The following SLC35A2 variants were observed in gnomAD, a reference collection of about 807,000 sequenced individuals.
SLC35A2 encodes the protein solute carrier family 35 member A2.
A neutral mutation model predicts 17.3 loss-of-function variants in SLC35A2; 1 was observed. The observed-to-expected ratio is 0.06, with a 90% CI of 0.02 to 0.27. SLC35A2 has a LOEUF of 0.27. Among genes scored for constraint, SLC35A2 ranks in the 10% least tolerant of loss-of-function variants. The probability of loss-of-function intolerance (pLI) is 1.00; values close to 1 mark genes in which losing one functional copy is unlikely to be tolerated. For missense variants in SLC35A2, 191 were observed against 339.3 expected (o/e 0.56, Z 3.43); for synonymous variants, 161 against 161.3 (o/e 1.00, Z 0.01).
At chrX:48,911,836 C>T, upstream of SLC35A2, 2 of 1,167,485 alleles carry the variant, frequency 1.7e-6, no homozygotes, top group Admixed American at 2.6e-5. Context: ...AGGCCGGGGA[C>T]ACGGCCCGAT....
At chrX:48,908,754 CA>C (rs1288683004) in intron 2 of SLC35A2, among the ~76,000 whole-genome samples, 1 of 112,280 alleles carries the variant, frequency 8.9e-6, no homozygotes, top group East Asian at 2.8e-4. Flanking sequence ...ACAGAGTTAA[CA>C]AAGGTAAGAG....
intron 1 of SLC35A2, chrX:48,910,373 G>C: frequency 2.4e-6 from 2 of 838,491 alleles, no homozygotes; most frequent in Non-Finnish European, 3.3e-6. Flanking sequence ...AGTGTTTACT[G>C]TATGCCTATC....
chrX:48,905,138 G>A lies in SLC35A2; in HGVS notation c.771C>T (p.Ala257=), dbSNP rs782663029. 22 of 1,208,448 alleles carry A rather than the reference G, an allele frequency of 1.8e-5. No individual in the cohort carries two copies. The African/African-American group carries it at 3.1e-4, about 17-fold the overall frequency. Residue 257 remains alanine (A), a synonymous_variant, in exon 4 of 5, where the codon GCC becomes GCT. Coordinates refer to ENST00000247138, the MANE Select transcript of SLC35A2 (RefSeq NM_005660.3). ...CAAAAAAGAAACCACGGGTGGCCAC[G>A]GCGGTACCCTCAGCCCACCAGAGCC... ...LVGLWWAEGT[A]VATRGFFFGY...
At chrX:48,907,297 T>G (rs1569511321) in intron 2 of SLC35A2, among the ~76,000 whole-genome samples, 1 of 107,201 alleles carries the variant, frequency 9.3e-6, no homozygotes, top group Non-Finnish European at 1.9e-5. Flanking sequence ...TTTTTTTTTT[T>G]GGCACAGTGG....
intron 4 of SLC35A2, chrX:48,903,878 G>A (rs2063463999): frequency 5.1e-6 from 4 of 788,505 alleles, no homozygotes; most frequent in East Asian, 1.2e-4. Flanking sequence ...TGAGGTAGGG[G>A]TGCCTCACAC....
intron 4 of SLC35A2, chrX:48,903,689 A>G: frequency 1.0e-6 from 1 of 996,575 alleles, no homozygotes; most frequent in Non-Finnish European, 1.3e-6. Flanking sequence ...AAACAAACCA[A>G]AAAATCAGAA....
chrX:48,906,959 G>A (rs1402980314), intron 2 of SLC35A2, among the ~76,000 whole-genome samples: 1 of 111,367 alleles, frequency 9.0e-6, no homozygotes, highest in Non-Finnish European at 1.9e-5. Context: ...CATGAGGTTA[G>A]GAGTTCAAGA....
Position 48,904,700 on chromosome X carries a change from C to T in SLC35A2, c.1163+46G>A, listed in dbSNP as rs374880112. ...ACACCCTCCACCCCAGTCCCCCTCCCTTGTGTCCCCCCATTGCTGCCAGCC... is the reference window on the plus strand; with the variant it reads ...ACACCCTCCACCCCAGTCCCCCTCCTTTGTGTCCCCCCATTGCTGCCAGCC... On this transcript the variant is annotated intron_variant, in intron 4 of 4. Coordinates refer to ENST00000247138, the MANE Select transcript of SLC35A2 (RefSeq NM_005660.3). 47 of 1,209,542 alleles carry T rather than the reference C, an allele frequency of 3.9e-5. No individual in the cohort carries two copies. Among genetic ancestry groups the T allele is most frequent in the Non-Finnish European group, 1.0e-5 (9 of 894,770 alleles).
chrX:48,906,130 T>A, intron 3 of SLC35A2: 1 of 430,339 alleles, frequency 2.3e-6, no homozygotes. Context: ...TGCCCACAAA[T>A]AGCCTAAAGC....
At chrX:48,909,059 C>T (rs1400057069) in intron 2 of SLC35A2, among the ~76,000 whole-genome samples, 1 of 112,327 alleles carries the variant, frequency 8.9e-6, no homozygotes, top group Non-Finnish European at 1.9e-5. Flanking sequence ...GTCTACAAAA[C>T]AAATGACCTG....
At chrX:48,904,405 G>A in intron 4 of SLC35A2, 2 of 1,086,187 alleles carry the variant, frequency 1.8e-6, no homozygotes, top group Non-Finnish European at 2.4e-6. Context: ...CCAGAAGAGG[G>A]CACAGGGTCG....
chrX:48,905,650 G>A (rs2063485482), intron 3 of SLC35A2, among the ~76,000 whole-genome samples, 168 bp from the exon 4 acceptor site: 1 of 112,245 alleles, frequency 8.9e-6, no homozygotes, highest in South Asian at 3.6e-4. Flanking sequence ...CTGAGCTGCA[G>A]CAAAACAGTT....
Position 48,903,416 on chromosome X carries a change from C to A in SLC35A2, c.*22G>T. The stretch of plus-strand genomic sequence containing the variant: ...GGCAAGAAGAGAGAACGAGGCCAGG[C>A]CAATGTCTTCAATCCCAGCGGCTAG... On this transcript the variant is annotated 3_prime_UTR_variant, in exon 5 of 5. Transcript: ENST00000247138. 1.7e-6 allele frequency: 1 copy of A among 574,372 alleles called. No individual in the cohort carries two copies. Among genetic ancestry groups the A allele is most frequent in the Non-Finnish European group, 3.2e-6 (1 of 313,298 alleles). 47.3% of individuals were successfully genotyped at this position (574,372 alleles called of 1,213,427 possible). A position where few individuals can be genotyped will look rare whatever the true frequency, so the allele number is the denominator to read the frequency against.
At chrX:48,911,958 T>C, upstream of SLC35A2, 7 of 1,164,409 alleles carry the variant, frequency 6.0e-6, no homozygotes, top group South Asian at 1.3e-4. Context: ...CATCCCCCGA[T>C]CTTGTCTCCT....
rs782020146 is a variant in SLC35A2 at position 48,905,453 on chromosome X, T to G, written c.456A>C (p.Thr152=). ...QVTYQLKILT[T]ALFSVLMLNR... is the part of the protein sequence containing the mutation. Reference sequence around the variant, plus strand: ...TCAGCATGAGCACGGAGAACAGCGCTGTGGTCAGGATCTTCAGCTGGTATG... The same window carrying G: ...TCAGCATGAGCACGGAGAACAGCGCGGTGGTCAGGATCTTCAGCTGGTATG... The change falls in exon 4 of 5, where the codon ACA becomes ACC. Residue 152 remains threonine (T), a synonymous_variant. Coordinates refer to ENST00000247138, the MANE Select transcript of SLC35A2 (RefSeq NM_005660.3). The G allele has an allele frequency of 7.8e-6, 9 of 1,159,963 alleles. No individual in the cohort carries two copies. The highest frequency in any genetic ancestry group is 1.0e-5 in the Non-Finnish European group (9 of 873,884).
rs782409013 is a variant in SLC35A2 at position 48,909,818 on chromosome X, C to G, written c.270G>C (p.Lys90Asn). 1 of 1,207,239 alleles carries G rather than the reference C, an allele frequency of 8.3e-7. No individual in the cohort carries two copies. Among genetic ancestry groups the G allele is most frequent in the East Asian group, 3.0e-5 (1 of 33,726 alleles). The change falls in exon 2 of 5, where the codon AAG becomes AAC. Residue 90 changes from lysine to asparagine, a missense_variant. Lys to Asn is a moderately conservative substitution (Grantham distance 94). Transcript: ENST00000247138. ...AGCCCCATCCCTGGTTCGTACCCCT[C>G]TTCTGTGCGAAGAGCAGCAGCAGGC... ...LTCLLLLFAQKRGNVKHLVLF... is the reference protein window; with the variant it reads ...LTCLLLLFAQNRGNVKHLVLF...
intron 3 of SLC35A2, chrX:48,906,050 T>C (rs2063487973): frequency 2.5e-6 from 1 of 392,248 alleles, no homozygotes; most frequent in African/African-American, 2.5e-5. Flanking sequence ...AGCTGGAAGG[T>C]AGCAGAGCTG....
Position 48,904,864 on chromosome X carries a change from C to A in SLC35A2, c.1045G>T (p.Ala349Ser). ...CCGGAGGCGGAGGCAGAGGCAGAGG[C>A]TATGGCTTTGGCTGCACCTCGGGGA... Reference protein sequence around the residue: ...SLPRGAAKAIASASASASGPC... With the variant: ...SLPRGAAKAISSASASASGPC... Residue 349 changes from alanine to serine, a missense_variant, in exon 4 of 5, where the codon GCC becomes TCC. Physicochemically the swap from Ala to Ser is moderately conservative, Grantham distance 99. Transcript: ENST00000247138. The A allele has an allele frequency of 8.3e-7, 1 of 1,211,866 alleles. No individual in the cohort carries two copies. The highest frequency in any genetic ancestry group is 1.1e-6 in the Non-Finnish European group (1 of 895,433).
chrX:48,903,353 C>T lies in SLC35A2; in HGVS notation c.*85G>A. 1 of 578,289 alleles carries T rather than the reference C, an allele frequency of 1.7e-6. No homozygotes were observed. Among genetic ancestry groups the T allele is most frequent in the African/African-American group, 2.2e-5 (1 of 45,436 alleles). 47.7% of individuals were successfully genotyped at this position (578,289 alleles called of 1,213,427 possible). On this transcript the variant is annotated 3_prime_UTR_variant, in exon 5 of 5. Transcript: ENST00000247138. ...AGTCCAGTGTCTACCTCACTCTACC[C>T]CTAATACTGATCAGAGTTTGGTCCC... is the stretch of plus-strand genomic sequence containing the variant.
Sources: gnomAD v4.1 joint callset for allele counts (sites outside exome capture counted in the v4.1 genomes callset) on GRCh38, gnomAD v4.1.1 for gene constraint, MANE v1.5 for transcripts, NCBI Gene and HGNC (gene_info 2026-07-23, HGNC 2026-07-21) for gene names.